PFAS: variants seen among roughly 807,000 people sequenced by gnomAD.
The protein encoded by PFAS is phosphoribosylformylglycinamidine synthase.
A neutral mutation model predicts 140.6 loss-of-function variants in PFAS; 97 were observed. That is an observed-to-expected ratio of 0.69 (90% confidence interval 0.59 to 0.82). PFAS has a LOEUF of 0.82. Ranked by LOEUF, PFAS falls within the 40% of genes least tolerant of loss-of-function variation. PFAS has a pLI of 0.00. For synonymous variants in PFAS, 679 were observed against 718.8 expected (o/e 0.94, Z 0.88); for missense variants, 1,656 against 1,780.2 (o/e 0.93, Z 1.26).
Position 8,253,879 on chromosome 17 carries a change from G to T in PFAS, c.-59G>T, listed in dbSNP as rs1989253312. On this transcript the variant is annotated 5_prime_UTR_variant, in exon 2 of 28. Coordinates refer to ENST00000314666, the MANE Select transcript of PFAS (RefSeq NM_012393.3). ...TTTAGGAACCTAATTCATCTCTCCAGCAAAGGACACATCTCTCCAGCAAAG... is the reference window on the plus strand; with the variant it reads ...TTTAGGAACCTAATTCATCTCTCCATCAAAGGACACATCTCTCCAGCAAAG... The T allele has an allele frequency of 2.6e-6, 4 of 1,557,178 alleles. No homozygotes were observed. Among genetic ancestry groups the T allele is most frequent in the Admixed American group, 1.9e-5 (1 of 51,928 alleles).
Position 8,253,896 on chromosome 17 carries a change from C to G in PFAS, c.-42C>G. 1 of 1,582,462 alleles carries G rather than the reference C, an allele frequency of 6.3e-7. No individual in the cohort carries two copies. The highest frequency in any genetic ancestry group is 8.6e-7 in the Non-Finnish European group (1 of 1,162,236). ...TCTCTCCAGCAAAGGACACATCTCTCCAGCAAAGGACACCTCTCTCCAGCA... is the reference window on the plus strand; with the variant it reads ...TCTCTCCAGCAAAGGACACATCTCTGCAGCAAAGGACACCTCTCTCCAGCA... On this transcript the variant is annotated 5_prime_UTR_variant, in exon 2 of 28. Coordinates refer to ENST00000314666, the MANE Select transcript of PFAS (RefSeq NM_012393.3).
In PFAS at chr17:8,266,274, C is replaced by T; in HGVS notation, c.2742C>T (p.Gly914=). 1.9e-6 allele frequency: 3 copies of T among 1,614,070 alleles called. No homozygotes were observed. Among genetic ancestry groups the T allele is most frequent in the Non-Finnish European group, 2.5e-6 (3 of 1,179,984 alleles). The change falls in exon 22 of 28, where the codon GGC becomes GGT. Residue 914 remains glycine, a synonymous_variant. Coordinates refer to ENST00000314666, the MANE Select transcript of PFAS (RefSeq NM_012393.3). The surrounding 1 kb of genome is among the most constrained non-coding windows in gnomAD (Gnocchi z 5.0). ...LCSGHDVSDG[G]LVTCLLEMAF... ...CAGGCCACGATGTCAGTGACGGAGG[C>T]CTCGTCACATGCCTGCTGGAGATGG...
intron 3 of PFAS, among the ~76,000 whole-genome samples, chr17:8,254,672 C>T (rs1398287587): frequency 1.3e-5 from 2 of 151,738 alleles, no homozygotes; most frequent in East Asian, 1.9e-4. Flanking sequence ...GGTGTGGTGG[C>T]GGGCGCCTGT....
intron 6 of PFAS, 54 bp from the exon 7 acceptor site, chr17:8,256,213 T>A: frequency 1.3e-6 from 2 of 1,583,162 alleles, no homozygotes; most frequent in South Asian, 1.1e-5. Context: ...GACATGGCAT[T>A]AAGAAATGAC....
chr17:8,256,158 A>G (rs1259382470), intron 6 of PFAS, 109 bp from the exon 7 acceptor site: 6 of 1,056,874 alleles, frequency 5.7e-6, no homozygotes, highest in Non-Finnish European at 6.9e-6. Context: ...TCTGTCATCT[A>G]AGTATGAATT....
At position 8,268,571 on chromosome 17, in the gene PFAS, G is replaced by A. The variant is rs1164949150; in HGVS notation, c.3421G>A (p.Ala1141Thr). ...AAVTFHPRAG[A>T]ELRRFRKRPD... is the part of the protein sequence containing the mutation. ...TGTGACCTTTCATCCCAGGGCTGGGGCTGAGCTGAGGCGCTTCCGGAAGCG... is the reference window on the plus strand; with the variant it reads ...TGTGACCTTTCATCCCAGGGCTGGGACTGAGCTGAGGCGCTTCCGGAAGCG... Residue 1141 changes from alanine (A) to threonine (T), a missense_variant, in exon 27 of 28, where the codon GCT becomes ACT. By Grantham distance (58) the Ala-to-Thr change is moderately conservative. Transcript: ENST00000314666. 1.2e-6 allele frequency: 2 copies of A among 1,612,366 alleles called. No individual in the cohort carries two copies. Among genetic ancestry groups the A allele is most frequent in the African/African-American group, 2.7e-5 (2 of 74,774 alleles).
rs1333695276 is a variant in PFAS at position 8,256,870 on chromosome 17, G to A, written c.982G>A (p.Gly328Arg). 4 of 1,612,802 alleles carry A rather than the reference G, an allele frequency of 2.5e-6. No homozygotes were observed. The Admixed American group carries it at 5.0e-5, about 20-fold the overall frequency. Residue 328 changes from glycine (G) to arginine (R), a missense_variant, in exon 9 of 28, where the codon GGG becomes AGG. By Grantham distance (125) the Gly-to-Arg change is moderately radical (BLOSUM62 -2). Around this residue, in one of 2 missense-constraint regions of PFAS, gnomAD observed 773 missense variants for 757.3 expected, o/e 1.02. Coordinates refer to ENST00000314666, the MANE Select transcript of PFAS (RefSeq NM_012393.3). ...CTTTAGTGGTGCAACCACTGGCACA[G>A]GGGGCCGGATTCGAGATGTCCAGTG... ...CPFSGATTGT[G>R]GRIRDVQCTG...
chr17:8,257,022 G>T (rs1989397714), intron 9 of PFAS, 59 bp downstream of exon 9: 1 of 1,580,022 alleles, frequency 6.3e-7, no homozygotes, highest in Non-Finnish European at 8.7e-7. Context: ...CTGGCAGGCA[G>T]CAAACTTCTA....
intron 16 of PFAS, 31 bp downstream of exon 16, chr17:8,264,368 T>C: frequency 6.2e-7 from 1 of 1,612,884 alleles, no homozygotes; most frequent in East Asian, 2.2e-5. Flanking sequence ...GGGTTTTTCC[T>C]GTGGTCCTCT....
Position 8,266,156 on chromosome 17 carries a change from T to G in PFAS, c.2702-78T>G. ...CTGACATTCTGACACACACTCTTGA[T>G]GGACTGACTCCGGAAGGTGGGGTGG... On this transcript the variant is annotated intron_variant, in intron 21 of 27. Transcript: ENST00000314666. This position sits in a 1 kb window ranked among gnomAD's most constrained non-coding sequence, Gnocchi z 5.0. 6.3e-7 allele frequency: 1 copy of G among 1,589,056 alleles called. No individual in the cohort carries two copies.
intron 11 of PFAS, 70 bp from the exon 12 acceptor site, chr17:8,262,850 C>T (rs77375313): frequency 3.7e-5 from 45 of 1,216,338 alleles, no homozygotes; most frequent in Middle Eastern, 2.3e-4. Flanking sequence ...TCTGTGTTCA[C>T]GCTGCCTTGC....
intron 1 of PFAS, 111 bp from the exon 2 acceptor site, chr17:8,253,748 G>C: frequency 1.6e-6 from 1 of 638,668 alleles, no homozygotes; most frequent in Admixed American, 3.5e-5. Flanking sequence ...TATGTTGGCC[G>C]GGCTGATCTC....
At chr17:8,268,012 A>G (rs1567647192) in intron 26 of PFAS, among the ~76,000 whole-genome samples, 1 of 137,354 alleles carries the variant, frequency 7.3e-6, no homozygotes, top group African/African-American at 2.7e-5. Flanking sequence ...TTATTTATAT[A>G]TATTATTTAT....
intron 9 of PFAS, 101 bp downstream of exon 9, chr17:8,257,064 C>G: frequency 7.6e-7 from 1 of 1,313,904 alleles, no homozygotes; most frequent in Non-Finnish European, 1.1e-6. Context: ...TCCTGTGTGC[C>G]TTTTCTCAGG....
chr17:8,255,632 G>C lies in PFAS; in HGVS notation c.515G>C (p.Gly172Ala). The change falls in exon 5 of 28, where the codon GGC (glycine) becomes GCC (alanine). Residue 172 changes from glycine (G) to alanine (A), a missense_variant. By Grantham distance (60) the Gly-to-Ala change is moderately conservative (BLOSUM62 0). This residue lies in a region of PFAS where 773 missense variants were observed against 757.3 expected (regional missense o/e 1.02). Coordinates refer to ENST00000314666, the MANE Select transcript of PFAS (RefSeq NM_012393.3). ...SPESMPEPLN[G>A]PINILGEGRL... is the part of the protein sequence containing the mutation. ...GAGAGCATGCCGGAACCCCTCAATG[G>C]CCCTATCAATATACTGGGTGAGGGC... 1 of 1,582,358 alleles carries C rather than the reference G, an allele frequency of 6.3e-7. No individual in the cohort carries two copies. Among genetic ancestry groups the C allele is most frequent in the Non-Finnish European group, 8.6e-7 (1 of 1,167,024 alleles).
At chr17:8,256,014 G>A (rs960915045) in intron 6 of PFAS, 104 bp downstream of exon 6, 2 of 923,338 alleles carry the variant, frequency 2.2e-6, no homozygotes, top group Non-Finnish European at 3.4e-6. Flanking sequence ...GCCTCCCTGA[G>A]TCTCTGAGGG....
Position 8,266,237 on chromosome 17 carries a change from GCCT to G in PFAS, c.2710_2712del (p.Leu904del). On this transcript the variant is annotated inframe_deletion, in exon 22 of 28. Transcript: ENST00000314666. This position sits in a 1 kb window ranked among gnomAD's most constrained non-coding sequence, Gnocchi z 5.0. ...AGCTTTCTTCTCCTTCCTCCAGACC[GCCT>G]CCTCTGCTCAGGCCACGATGTCAGT... 1 of 1,613,910 alleles carries G rather than the reference GCCT, an allele frequency of 6.2e-7. No homozygotes were observed. The highest frequency in any genetic ancestry group is 8.5e-7 in the Non-Finnish European group (1 of 1,179,908).
In PFAS at chr17:8,269,385, C is replaced by A; in HGVS notation, c.*121C>A. 2 of 666,534 alleles carry A rather than the reference C, an allele frequency of 3.0e-6. No homozygotes were observed. Among genetic ancestry groups the A allele is most frequent in the Non-Finnish European group, 5.1e-6 (2 of 388,352 alleles). 41.3% of individuals were successfully genotyped at this position (666,534 alleles called of 1,614,324 possible). On this transcript the variant is annotated 3_prime_UTR_variant, in exon 28 of 28. Transcript: ENST00000314666. ...AAAAATATCTTGGACAGACAAGGAC[C>A]AAAATGCCAAAATCTCAGCGGACTC...
Position 8,268,825 on chromosome 17 carries a change from C to T in PFAS, c.3675C>T (p.Ala1225=), listed in dbSNP as rs370246611. 3.4e-5 allele frequency: 54 copies of T among 1,607,604 alleles called. No homozygotes were observed. Among genetic ancestry groups the T allele is most frequent in the South Asian group, 3.1e-4 (28 of 91,052 alleles). The change falls in exon 27 of 28, where the codon GCC becomes GCT. Residue 1225 remains alanine, a synonymous_variant. Coordinates refer to ENST00000314666, the MANE Select transcript of PFAS (RefSeq NM_012393.3). The stretch of plus-strand genomic sequence containing the variant: ...TGATGCTGCGAGGGATGGAGGGCGC[C>T]GTGCTGCCCGTGTGGAGTGCGCACG... ...PALMLRGMEG[A]VLPVWSAHGE...
Sources: gnomAD v4.1 joint callset for allele counts (sites outside exome capture counted in the v4.1 genomes callset) on GRCh38, gnomAD v4.1.1 for gene constraint, gnomAD v4.1.1 regional missense constraint, Gnocchi (gnomAD v3.1) non-coding constraint, MANE v1.5 for transcripts, NCBI Gene and HGNC (gene_info 2026-07-23, HGNC 2026-07-21) for gene names.